The following GPHN variants were observed in gnomAD, a reference collection of about 807,000 sequenced individuals.
GPHN encodes gephyrin.
A neutral mutation model predicts 95.5 loss-of-function variants in GPHN; 17 were observed. The observed-to-expected ratio is 0.18, with a 90% CI of 0.12 to 0.27. The LOEUF is 0.27. Among genes scored for constraint, GPHN ranks in the 10% least tolerant of loss-of-function variants. The pLI is 1.00. For missense variants in GPHN, 660 were observed against 978.1 expected, an observed-to-expected ratio of 0.67 and a Z score of 4.34; for synonymous variants, 320 against 322.5, an observed-to-expected ratio of 0.99 and a Z score of 0.08.
chr14:66,851,348 T>C lies in GPHN; in HGVS notation c.294+26782T>C, dbSNP rs1162837609. 2.7e-5 allele frequency among the ~76,000 whole-genome samples: 4 copies of C among 150,698 alleles called. No homozygotes were observed. The South Asian group carries it at 8.4e-4, about 32-fold the overall frequency. On this transcript the variant is annotated intron_variant, in intron 4 of 22. Transcript: ENST00000478722. The stretch of plus-strand genomic sequence containing the variant: ...TTGACTTTTAGCACTACAGATTACT[T>C]TTTTTTTTTCAAAGACAGGAGCTCC...
chr14:67,561,420 G>A, the GPHN span, among the ~76,000 whole-genome samples: 1 of 152,088 alleles, frequency 6.6e-6, no homozygotes, highest in Non-Finnish European at 1.5e-5. Flanking sequence ...GCATAGTGGC[G>A]TGCACCTGTA....
chr14:66,751,673 T>C (rs1595782833), intron 2 of GPHN, among the ~76,000 whole-genome samples: 1 of 152,138 alleles, frequency 6.6e-6, no homozygotes, highest in Non-Finnish European at 1.5e-5. Context: ...TTTCTTTTGC[T>C]GTGCAGAAAC....
At chr14:66,852,331 G>A (rs2062616841) in intron 4 of GPHN, among the ~76,000 whole-genome samples, 1 of 152,164 alleles carries the variant, frequency 6.6e-6, no homozygotes, top group Non-Finnish European at 1.5e-5. Flanking sequence ...ATCACTCATG[G>A]TACATTTTGC....
the GPHN span, among the ~76,000 whole-genome samples, chr14:67,406,032 G>A: frequency 6.6e-6 from 1 of 152,122 alleles, no homozygotes; most frequent in Middle Eastern, 3.2e-3. Context: ...CTGAGGGCAG[G>A]TAGATCACTT....
At chr14:66,535,734 T>C (rs2059120892) in intron 1 of GPHN, among the ~76,000 whole-genome samples, 1 of 152,182 alleles carries the variant, frequency 6.6e-6, no homozygotes, top group Non-Finnish European at 1.5e-5. Flanking sequence ...TTGTAAATGG[T>C]ATTCGTTATT....
At chr14:66,833,308 A>C (rs926851751) in intron 4 of GPHN, among the ~76,000 whole-genome samples, 1 of 152,122 alleles carries the variant, frequency 6.6e-6, no homozygotes, top group Non-Finnish European at 1.5e-5. Context: ...AAAACATCAG[A>C]TCTCAGGAGA....
At chr14:66,926,985 T>C (rs1259978670) in intron 8 of GPHN, among the ~76,000 whole-genome samples, 1 of 152,190 alleles carries the variant, frequency 6.6e-6, no homozygotes, top group African/African-American at 2.4e-5. Context: ...TTCCTATGTG[T>C]TTTCTTTGTA....
intron 1 of GPHN, among the ~76,000 whole-genome samples, chr14:66,648,478 A>C (rs2064871747): frequency 1.3e-5 from 2 of 152,150 alleles, no homozygotes; most frequent in African/African-American, 2.4e-5. Flanking sequence ...GTGGTTGTAG[A>C]AGATTATAAT....
chr14:66,531,505 A>G (rs935729616), intron 1 of GPHN, among the ~76,000 whole-genome samples: 31 of 152,228 alleles, frequency 2.0e-4, no homozygotes, highest in African/African-American at 6.3e-4. Context: ...TTTTAGCACA[A>G]TTCAGGAGTA....
rs560026014 is a variant in GPHN, at chr14:67,103,450, T to C, written c.1293+2539T>C. On this transcript the variant is annotated intron_variant, in intron 13 of 22. Transcript: ENST00000478722. ...AATCTGTAGATCGCTTTTTTCGTAG[T>C]ATGGTCATTTTCACAGTATTAATTC... Among the ~76,000 whole-genome samples, 13 of 151,902 alleles carry C rather than the reference T, an allele frequency of 8.6e-5. 1 individual carries two copies. Among genetic ancestry groups the C allele is most frequent in the Admixed American group, 2.0e-4 (3 of 15,268 alleles).
At chr14:66,939,466 A>G (rs1304511026) in intron 8 of GPHN, among the ~76,000 whole-genome samples, 5 of 150,730 alleles carry the variant, frequency 3.3e-5, no homozygotes, top group African/African-American at 7.3e-5. Flanking sequence ...GATGAAAAGG[A>G]AAAAAAAAGG....
intron 2 of GPHN, among the ~76,000 whole-genome samples, chr14:66,708,004 G>C (rs570867357): frequency 6.6e-6 from 1 of 152,214 alleles, no homozygotes; most frequent in Non-Finnish European, 1.5e-5. Context: ...ACCCTATAAA[G>C]TTTCAAAAGC....
chr14:67,730,718 C>G, the GPHN span, among the ~76,000 whole-genome samples: 1 of 152,138 alleles, frequency 6.6e-6, no homozygotes, highest in Non-Finnish European at 1.5e-5. Context: ...ATTCTCCTGA[C>G]TCAGCCTCCT....
At chr14:66,651,310 G>A (rs1838303748) in intron 1 of GPHN, among the ~76,000 whole-genome samples, 1 of 152,132 alleles carries the variant, frequency 6.6e-6, no homozygotes, top group Non-Finnish European at 1.5e-5. Flanking sequence ...TGTTCAAGTC[G>A]GCAGATAAAA....
chr14:66,929,717 T>G (rs926674926), intron 8 of GPHN, among the ~76,000 whole-genome samples: 3 of 151,932 alleles, frequency 2.0e-5, no homozygotes, highest in Admixed American at 6.6e-5. Context: ...TTTTTTTTCT[T>G]TTTTTCTTTT....
chr14:67,716,039 C>CA, the GPHN span, among the ~76,000 whole-genome samples: 10 of 151,342 alleles, frequency 6.6e-5, no homozygotes, highest in East Asian at 1.9e-4. Flanking sequence ...ACTAAAAATA[C>CA]AAAAAAAATT....
chr14:66,715,758 G>T (rs934335362), intron 2 of GPHN, among the ~76,000 whole-genome samples: 7 of 152,080 alleles, frequency 4.6e-5, no homozygotes, highest in Non-Finnish European at 1.0e-4. Flanking sequence ...TCAGGAGCAG[G>T]TTATTTAATT....
the GPHN span, chr14:67,382,789 T>C: frequency 1.7e-6 from 1 of 585,906 alleles, no homozygotes; most frequent in South Asian, 2.2e-5. Flanking sequence ...GAAGTTTTTT[T>C]ATGGTTTGAA....
At chr14:67,727,232 C>T in the GPHN span, 1 of 1,533,072 alleles carries the variant, frequency 6.5e-7, no homozygotes. Context: ...GGTCCTCAGA[C>T]CAAATTAGAG....
Sources: gnomAD v4.1 joint callset for allele counts (sites outside exome capture counted in the v4.1 genomes callset) on GRCh38, gnomAD v4.1.1 for gene constraint, MANE v1.5 for transcripts, NCBI Gene and HGNC (gene_info 2026-07-23, HGNC 2026-07-21) for gene names.